Variants in FMN2 observed in about 807,000 individuals in gnomAD.
The protein encoded by FMN2 is formin-2.
A neutral mutation model predicts 142.3 loss-of-function variants in FMN2; 51 were observed. That is an observed-to-expected ratio of 0.36 (90% CI 0.29 to 0.45). The LOEUF (loss-of-function observed/expected upper bound fraction) is 0.45, where lower values mean the gene tolerates loss of function less well. Among genes scored for constraint, FMN2 ranks in the 20% least tolerant of loss-of-function variants. The pLI, the probability that FMN2 is intolerant of heterozygous loss-of-function variation, is 1.00. For synonymous variants in FMN2, 882 were observed against 869.8 expected, an observed-to-expected ratio of 1.01 and a Z score of -0.25; for missense variants, 1,936 against 2,122.8, an observed-to-expected ratio of 0.91 and a Z score of 1.73.
At chr1:240,311,860 C>G (rs1670615455) in intron 8 of FMN2, among the ~76,000 whole-genome samples, 1 of 152,178 alleles carries the variant, frequency 6.6e-6, no homozygotes, top group Non-Finnish European at 1.5e-5. Flanking sequence ...AGGTCTCGCT[C>G]TCTTGGCCAG....
At chr1:240,329,203 G>A (rs754442773) in intron 9 of FMN2, 36 bp downstream of exon 9, 1 of 1,610,796 alleles carries the variant, frequency 6.2e-7, no homozygotes, top group Admixed American at 1.7e-5. Flanking sequence ...AGGGCGTCCA[G>A]GCTATGGGTG....
chr1:240,418,259 G>A (rs1198741360), intron 15 of FMN2, among the ~76,000 whole-genome samples: 2 of 150,528 alleles, frequency 1.3e-5, no homozygotes, highest in Non-Finnish European at 2.9e-5. Flanking sequence ...GAATGCAGTG[G>A]CACAATCTCA....
At chr1:240,349,189 C>A (rs1049335280) in intron 13 of FMN2, among the ~76,000 whole-genome samples, 2 of 152,216 alleles carry the variant, frequency 1.3e-5, no homozygotes, top group Non-Finnish European at 2.9e-5. Context: ...TTGCAAGCAT[C>A]TTGCTGCCTA....
intron 2 of FMN2, among the ~76,000 whole-genome samples, chr1:240,134,139 G>A (rs139846169): frequency 6.6e-6 from 1 of 152,282 alleles, no homozygotes; most frequent in Non-Finnish European, 1.5e-5. Context: ...TTAGTGATTG[G>A]TATTTAATAT....
Position 240,257,998 on chromosome 1 carries a change from T to TA in FMN2, c.4120dup (p.Ser1374LysfsTer18). On this transcript the variant is annotated frameshift_variant, in exon 7 of 18. Transcript: ENST00000319653. LOFTEE classifies it high-confidence loss of function. ...CACAAGCAGTTGGAATACTAATGTC[T>TA]AGCCTTCATTTAGATATGAAAGACA... 6.2e-7 allele frequency: 1 copy of TA among 1,612,730 alleles called. No homozygotes were observed. The highest frequency in any genetic ancestry group is 8.5e-7 in the Non-Finnish European group (1 of 1,179,632).
intron 1 of FMN2, 29 bp from the exon 2 acceptor site, chr1:240,123,150 C>A (rs375408943): frequency 6.2e-7 from 1 of 1,612,480 alleles, no homozygotes; most frequent in Non-Finnish European, 8.5e-7. Context: ...CGGCAGTGCT[C>A]GCTCTTAATG....
intron 16 of FMN2, chr1:240,471,699 CTT>C (rs543443951): frequency 1.1e-4 from 17 of 152,056 alleles, no homozygotes; most frequent in African/African-American, 3.9e-4. Flanking sequence ...TTATGTGACA[CTT>C]TTTTTTTGGT....
At chr1:240,379,399 G>C (rs1673152869) in intron 14 of FMN2, among the ~76,000 whole-genome samples, 4 of 152,016 alleles carry the variant, frequency 2.6e-5, no homozygotes, top group Admixed American at 2.6e-4. Flanking sequence ...TTAATACCCA[G>C]CTAAAAGTCA....
intron 2 of FMN2, among the ~76,000 whole-genome samples, chr1:240,160,044 A>AT (rs150735270): frequency 3.8e-4 from 55 of 144,928 alleles, no homozygotes; most frequent in Admixed American, 1.1e-3. Context: ...TCATCTTAGA[A>AT]TTTTTTTTTT....
At chr1:240,299,192 C>T (rs1670104009) in intron 8 of FMN2, among the ~76,000 whole-genome samples, 1 of 152,130 alleles carries the variant, frequency 6.6e-6, no homozygotes, top group African/African-American at 2.4e-5. Flanking sequence ...AGGTGATCCA[C>T]CCGCCTCGAC....
intron 2 of FMN2, among the ~76,000 whole-genome samples, chr1:240,154,925 C>T (rs527348280): frequency 1.5e-5 from 2 of 137,628 alleles, no homozygotes; most frequent in Non-Finnish European, 3.1e-5. Flanking sequence ...CTTGTGCTGT[C>T]GTCCAGGCTG....
intron 1 of FMN2, among the ~76,000 whole-genome samples, chr1:240,103,822 A>C (rs1177629687): frequency 6.6e-6 from 1 of 152,156 alleles, no homozygotes; most frequent in Non-Finnish European, 1.5e-5. Flanking sequence ...TATCACCCTG[A>C]GGCTATTGAG....
intron 13 of FMN2, among the ~76,000 whole-genome samples, chr1:240,346,677 G>A (rs1231652915): frequency 3.3e-5 from 5 of 152,192 alleles, no homozygotes; most frequent in South Asian, 2.1e-4. Flanking sequence ...TGTATGCTCC[G>A]TAGTACTTCT....
chr1:240,443,547 G>T (rs1448156066), intron 16 of FMN2, among the ~76,000 whole-genome samples: 1 of 152,160 alleles, frequency 6.6e-6, no homozygotes, highest in Admixed American at 6.5e-5. Flanking sequence ...AAGGTCAGGA[G>T]TTCGAGACCA....
At chr1:240,267,266 A>G (rs1201476864) in intron 7 of FMN2, among the ~76,000 whole-genome samples, 1 of 152,056 alleles carries the variant, frequency 6.6e-6, no homozygotes, top group Non-Finnish European at 1.5e-5. Flanking sequence ...AGCAAAAAAT[A>G]AATAGCCTCA....
At chr1:240,307,192 G>A (rs1196193761) in intron 8 of FMN2, among the ~76,000 whole-genome samples, 1 of 152,008 alleles carries the variant, frequency 6.6e-6, no homozygotes, top group Non-Finnish European at 1.5e-5. Context: ...CCATTCTGTT[G>A]GTTATCTGTT....
intron 8 of FMN2, among the ~76,000 whole-genome samples, chr1:240,313,797 G>A (rs1411317476): frequency 1.3e-5 from 2 of 152,086 alleles, no homozygotes; most frequent in East Asian, 3.9e-4. Flanking sequence ...GTGAAACCCC[G>A]TCTCTACTAG....
intron 2 of FMN2, among the ~76,000 whole-genome samples, chr1:240,159,356 G>A (rs1323210404): frequency 6.6e-6 from 1 of 151,940 alleles, no homozygotes; most frequent in African/African-American, 2.4e-5. Flanking sequence ...CTCCATTTTT[G>A]TAGGCTTGAC....
chr1:240,285,119 TG>T (rs1167729691), intron 7 of FMN2: 1 of 397,054 alleles, frequency 2.5e-6, no homozygotes, highest in East Asian at 7.8e-5. Flanking sequence ...AGAAACATTT[TG>T]TTCAATTAGG....
Sources: allele counts gnomAD v4.1 joint callset (sites outside exome capture counted in the v4.1 genomes callset), GRCh38; gene constraint gnomAD v4.1.1; transcripts MANE v1.5; gene names NCBI Gene and HGNC (gene_info 2026-07-23, HGNC 2026-07-21).